The following PRUNE1 variants were observed in gnomAD, a reference collection of about 807,000 sequenced individuals.
The protein encoded by PRUNE1 is exopolyphosphatase PRUNE1.
In PRUNE1, 25 loss-of-function variants were observed where a neutral mutation model predicts 42.5. The observed-to-expected ratio is 0.59, with a 90% confidence interval of 0.43 to 0.82. The LOEUF (loss-of-function observed/expected upper bound fraction) is 0.82, where lower values mean the gene tolerates loss of function less well. PRUNE1 is among the 40% of genes least tolerant of loss of function. The pLI is 0.00. For missense variants in PRUNE1, 443 were observed against 539.3 expected (o/e 0.82, Z 1.77); for synonymous variants, 203 against 217.1 (o/e 0.93, Z 0.57).
At chr1:151,018,217 TA>T in intron 2 of PRUNE1, 1 of 684,462 alleles carries the variant, frequency 1.5e-6, no homozygotes, top group Admixed American at 2.1e-5. Flanking sequence ...TCTTGAGGAC[TA>T]AAAATTCCTT....
chr1:151,032,073 C>T lies in PRUNE1; in HGVS notation c.934-1733C>T, dbSNP rs370426520. On this transcript the variant is annotated intron_variant, in intron 7 of 7. Transcript: ENST00000271620. The stretch of plus-strand genomic sequence containing the variant: ...CAGCCTGGCCAATATGGCGAAACCC[C>T]GTCTCTACTAAAAATACAAAAATTA... 5.0e-3 allele frequency among the ~76,000 whole-genome samples: 758 copies of T among 151,946 alleles called. 3 individuals carry two copies. The highest frequency in any genetic ancestry group is 7.3e-3 in the Non-Finnish European group (499 of 67,980).
chr1:151,027,180 C>G, intron 5 of PRUNE1, 53 bp from the exon 6 acceptor site: 2 of 1,388,248 alleles, frequency 1.4e-6, no homozygotes, highest in Middle Eastern at 1.9e-4. Flanking sequence ...CCTTCTTGGT[C>G]TTGGGACCCT....
chr1:151,032,783 AACTT>A (rs1675314565), intron 7 of PRUNE1, among the ~76,000 whole-genome samples: 1 of 151,654 alleles, frequency 6.6e-6, no homozygotes, highest in South Asian at 2.1e-4. Flanking sequence ...AACTCTGGAC[AACTT>A]ACTTTTTTTC....
intron 3 of PRUNE1, 23 bp from the exon 4 acceptor site, chr1:151,024,588 T>C: frequency 6.3e-7 from 1 of 1,577,278 alleles, no homozygotes; most frequent in Non-Finnish European, 8.7e-7. Context: ...TCTTCCTCTT[T>C]TCCCATACCC....
chr1:151,031,191 G>T lies in PRUNE1; in HGVS notation c.933+2247G>T, dbSNP rs372846927. Among the ~76,000 whole-genome samples, 389 of 124,794 alleles carry T rather than the reference G, an allele frequency of 3.1e-3. 1 individual carries two copies. Among genetic ancestry groups the T allele is most frequent in the Middle Eastern group, 7.8e-3 (2 of 256 alleles). 81.9% of individuals were successfully genotyped at this position (124,794 alleles called of 152,430 possible). ...GTTTTGTTTTTGTGTGTGTGTGTGT[G>T]TGTTTTTTTTTTTTTTTGAGATGTC... On this transcript the variant is annotated intron_variant, in intron 7 of 7. Transcript: ENST00000271620.
chr1:151,034,057 T>G lies in PRUNE1; in HGVS notation c.1185T>G (p.Ile395Met). 3 of 1,614,168 alleles carry G rather than the reference T, an allele frequency of 1.9e-6. No homozygotes were observed. Among genetic ancestry groups the G allele is most frequent in the Non-Finnish European group, 2.5e-6 (3 of 1,180,006 alleles). ...TGGACAGGGCAAGTAACTCCCTGAT[T>G]TCTGGCCTGAGTCAAGATGAGGAGG... Reference protein sequence around the residue: ...KELDRASNSLISGLSQDEEDP... With the variant: ...KELDRASNSLMSGLSQDEEDP... The change falls in exon 8 of 8, where the codon ATT becomes ATG. Residue 395 changes from isoleucine to methionine, a missense_variant. Ile to Met is a conservative substitution (Grantham distance 10, BLOSUM62 1). Transcript: ENST00000271620.
In PRUNE1 at chr1:151,027,346, T is replaced by C; in HGVS notation, c.774+19T>C. ...TTTGGAGGTAAGAGCAAGTTGTGGC[T>C]GTGGGTGGGGAGAGAAAGCCTTTAG... On this transcript the variant is annotated intron_variant, in intron 6 of 7. Coordinates refer to ENST00000271620, the MANE Select transcript of PRUNE1 (RefSeq NM_021222.3). 1 of 1,559,562 alleles carries C rather than the reference T, an allele frequency of 6.4e-7. No individual in the cohort carries two copies. The highest frequency in any genetic ancestry group is 8.8e-7 in the Non-Finnish European group (1 of 1,131,412).
chr1:151,010,671 A>ATTTT (rs35204921), intron 1 of PRUNE1, among the ~76,000 whole-genome samples: 3 of 135,494 alleles, frequency 2.2e-5, no homozygotes, highest in Non-Finnish European at 3.1e-5. Context: ...AATTGCTTTA[A>ATTTT]TTTTTTTTTT....
Position 151,008,614 on chromosome 1 carries a change from G to C in PRUNE1, c.-19G>C. 1 of 1,614,188 alleles carries C rather than the reference G, an allele frequency of 6.2e-7. No homozygotes were observed. Among genetic ancestry groups the C allele is most frequent in the Non-Finnish European group, 8.5e-7 (1 of 1,180,012 alleles). ...CACCTCTACTCGACCAGGGGCGACG[G>C]CGTACTTTGGGCTTCATCATGGAGG... is the stretch of plus-strand genomic sequence containing the variant. On this transcript the variant is annotated 5_prime_UTR_variant, in exon 1 of 8. Coordinates refer to ENST00000271620, the MANE Select transcript of PRUNE1 (RefSeq NM_021222.3).
At chr1:151,020,453 CA>C (rs1674349909) in intron 3 of PRUNE1, among the ~76,000 whole-genome samples, 1 of 148,770 alleles carries the variant, frequency 6.7e-6, no homozygotes, top group Admixed American at 6.8e-5. Context: ...AACTTGTCTC[CA>C]AAAAAATTTT....
Position 151,034,015 on chromosome 1 carries a change from G to A in PRUNE1, c.1143G>A (p.Glu381=), listed in dbSNP as rs779100843. The change falls in exon 8 of 8, where the codon GAG becomes GAA. Residue 381 remains glutamate (E), a synonymous_variant. Coordinates refer to ENST00000271620, the MANE Select transcript of PRUNE1 (RefSeq NM_021222.3). ...CTGAGACAGCAGATGTGTCCAGGGA[G>A]CAAGTGGACAAGGAATTGGACAGGG... ...GQPETADVSR[E]QVDKELDRAS... is the part of the protein sequence containing the mutation. 6.2e-7 allele frequency: 1 copy of A among 1,613,920 alleles called. No individual in the cohort carries two copies.
chr1:151,015,537 GGCA>G, intron 1 of PRUNE1, among the ~76,000 whole-genome samples: 1 of 148,916 alleles, frequency 6.7e-6, no homozygotes, highest in South Asian at 2.1e-4. Context: ...AGGAGGCTGA[GGCA>G]AGAGAATCTC....
At chr1:151,018,175 G>A (rs1674216384) in intron 2 of PRUNE1, among the ~76,000 whole-genome samples, 1 of 152,090 alleles carries the variant, frequency 6.6e-6, no homozygotes, top group African/African-American at 2.4e-5. Flanking sequence ...AGGTATCAGT[G>A]ATCTAGTGTG....
Position 151,026,517 on chromosome 1 carries a change from A to G in PRUNE1, c.680-716A>G, listed in dbSNP as rs147229186. Among the ~76,000 whole-genome samples the G allele has an allele frequency of 2.6e-5, 4 of 152,242 alleles. No homozygotes were observed. In the East Asian group the frequency reaches 7.7e-4, roughly 29 times the overall value. On this transcript the variant is annotated intron_variant, in intron 5 of 7. Transcript: ENST00000271620. ...TCTATTCAGAGAATACAGGACATAT[A>G]TATAAAATATGCTGAGAGTATACTA...
intron 3 of PRUNE1, among the ~76,000 whole-genome samples, chr1:151,019,896 C>T (rs145121996): frequency 0.043 from 6,397 of 150,122 alleles, 444 homozygotes; most frequent in African/African-American, 0.15. Flanking sequence ...GGTGTGATCT[C>T]GGCTCACTGC....
intron 2 of PRUNE1, chr1:151,018,223 T>G: frequency 2.9e-6 from 2 of 689,344 alleles, no homozygotes; most frequent in Non-Finnish European, 5.2e-6. Flanking sequence ...GGACTAAAAA[T>G]TCCTTCTCTG....
At chr1:151,026,137 G>A (rs886543717) in intron 5 of PRUNE1, among the ~76,000 whole-genome samples, 11 of 152,022 alleles carry the variant, frequency 7.2e-5, no homozygotes, top group Middle Eastern at 3.4e-3. Flanking sequence ...CCTGGCTCTT[G>A]GTTAGGATGA....
chr1:151,010,359 C>T (rs1418482426), intron 1 of PRUNE1, among the ~76,000 whole-genome samples: 1 of 152,200 alleles, frequency 6.6e-6, no homozygotes, highest in African/African-American at 2.4e-5. Context: ...GTTGGAATTA[C>T]AGGTGTTAGC....
chr1:151,021,263 C>A (rs1674414915), intron 3 of PRUNE1, among the ~76,000 whole-genome samples: 1 of 151,946 alleles, frequency 6.6e-6, no homozygotes, highest in African/African-American at 2.4e-5. Flanking sequence ...TGAGACCAGC[C>A]TGACCAACAT....
Sources: gnomAD v4.1 joint callset for allele counts (sites outside exome capture counted in the v4.1 genomes callset) on GRCh38, gnomAD v4.1.1 for gene constraint, MANE v1.5 for transcripts, NCBI Gene and HGNC (gene_info 2026-07-23, HGNC 2026-07-21) for gene names.